Variants in SLIT2 observed in about 807,000 individuals in gnomAD.
SLIT2 encodes slit guidance ligand 2, also known as slit homolog 2 protein.
SLIT2 carries 41 observed loss-of-function variants against 185.7 expected under a neutral mutation model. That is an observed-to-expected ratio of 0.22 (90% CI 0.17 to 0.29). The LOEUF is 0.29. Ranked by LOEUF, SLIT2 falls within the 10% of genes least tolerant of loss-of-function variation. SLIT2 has a pLI of 1.00. For missense variants in SLIT2, 1,571 were observed against 1,909.0 expected, an observed-to-expected ratio of 0.82 and a Z score of 3.30; for synonymous variants, 693 against 680.2, an observed-to-expected ratio of 1.02 and a Z score of -0.29.
At chr4:20,452,581 A>C (rs1712589863) in intron 4 of SLIT2, among the ~76,000 whole-genome samples, 1 of 152,038 alleles carries the variant, frequency 6.6e-6, no homozygotes, top group Non-Finnish European at 1.5e-5. Context: ...TCTCTCACTT[A>C]GTCCCCCTTT....
intron 4 of SLIT2, among the ~76,000 whole-genome samples, chr4:20,415,197 G>A (rs969974257): frequency 6.6e-6 from 1 of 152,098 alleles, no homozygotes; most frequent in Non-Finnish European, 1.5e-5. Flanking sequence ...GGATCACGAG[G>A]TCAGGAGACA....
chr4:20,568,013 C>T lies in SLIT2; in HGVS notation c.2948+398C>T, dbSNP rs563233800. Among the ~76,000 whole-genome samples the T allele has an allele frequency of 2.0e-5, 3 of 152,060 alleles. No homozygotes were observed. The South Asian group carries it at 6.2e-4, about 32-fold the overall frequency. On this transcript the variant is annotated intron_variant, in intron 28 of 36. Transcript: ENST00000504154. ...CAGTGTGTAATGACAAGATATAGGT[C>T]CCACTGAAACAGAAAATTAACGATT... is the stretch of plus-strand genomic sequence containing the variant.
chr4:20,264,296 AG>A (rs1243470416), intron 3 of SLIT2, among the ~76,000 whole-genome samples: 1 of 151,880 alleles, frequency 6.6e-6, no homozygotes. Context: ...GAGGCTAAAT[AG>A]TTTTATGCTT....
intron 5 of SLIT2, among the ~76,000 whole-genome samples, chr4:20,472,296 A>ATATATATCTATATATATC (rs1715227158): frequency 5.1e-5 from 1 of 19,674 alleles, no homozygotes; most frequent in Non-Finnish European, 7.5e-5. Flanking sequence ...AGATATATAG[A>ATATATATCTATATATATC]TATATAGATC....
At chr4:20,419,628 A>G (rs1368759280) in intron 4 of SLIT2, among the ~76,000 whole-genome samples, 1 of 150,872 alleles carries the variant, frequency 6.6e-6, no homozygotes, top group African/African-American at 2.4e-5. Context: ...GGAAGATGGC[A>G]TATACCTGGC....
At chr4:20,438,014 T>C (rs1729475032) in intron 4 of SLIT2, among the ~76,000 whole-genome samples, 1 of 151,512 alleles carries the variant, frequency 6.6e-6, no homozygotes, top group Admixed American at 6.6e-5. Flanking sequence ...TCCTGAATAC[T>C]CTACATTCAC....
In SLIT2 at chr4:20,554,539, GC is replaced by G. The variant is rs1577916333; in HGVS notation, c.2725+575del. 6.6e-5 allele frequency among the ~76,000 whole-genome samples: 10 copies of G among 152,066 alleles called. No homozygotes were observed. In the South Asian group the frequency reaches 2.1e-3, roughly 32 times the overall value. On this transcript the variant is annotated intron_variant, in intron 26 of 36. Transcript: ENST00000504154. ...CCTTTTTATTACAAGAATAATACAT[GC>G]CCCTAAATAGAAAAATATGAATAAT...
At chr4:20,566,130 G>T (rs940225276) in intron 26 of SLIT2, among the ~76,000 whole-genome samples, 1 of 152,024 alleles carries the variant, frequency 6.6e-6, no homozygotes, top group Non-Finnish European at 1.5e-5. Flanking sequence ...ACCTTAGAAG[G>T]TTAGAGCAGT....
At chr4:20,272,739 T>C (rs1713757644) in intron 4 of SLIT2, among the ~76,000 whole-genome samples, 1 of 152,150 alleles carries the variant, frequency 6.6e-6, no homozygotes, top group East Asian at 1.9e-4. Flanking sequence ...TTTTTCACTT[T>C]TATCTGCCAA....
chr4:20,570,729 A>ATATG (rs1272747645), intron 29 of SLIT2, among the ~76,000 whole-genome samples: 1 of 44,976 alleles, frequency 2.2e-5, no homozygotes, highest in South Asian at 1.0e-3. Flanking sequence ...ATATATATAT[A>ATATG]TGTATATATA....
chr4:20,512,014 A>T (rs1719800475), intron 11 of SLIT2, among the ~76,000 whole-genome samples: 1 of 152,208 alleles, frequency 6.6e-6, no homozygotes, highest in South Asian at 2.1e-4. Context: ...TTTAAAAATA[A>T]ATGTATAGCA....
intron 36 of SLIT2, 46 bp downstream of exon 36, chr4:20,617,696 G>A: frequency 1.5e-6 from 2 of 1,318,278 alleles, no homozygotes; most frequent in Non-Finnish European, 2.1e-6. Flanking sequence ...CAAAGCAAGA[G>A]GGGTCCCATG....
At chr4:20,376,872 G>A (rs897509355) in intron 4 of SLIT2, among the ~76,000 whole-genome samples, 3 of 152,044 alleles carry the variant, frequency 2.0e-5, no homozygotes, top group East Asian at 1.9e-4. Flanking sequence ...AGGGCCTGTC[G>A]TGGAGCGGGG....
intron 21 of SLIT2, among the ~76,000 whole-genome samples, chr4:20,544,913 G>T (rs1264680170): frequency 6.6e-6 from 1 of 151,684 alleles, no homozygotes; most frequent in African/African-American, 2.4e-5. Context: ...GTAGAGGAAA[G>T]AAAAAAATGG....
intron 26 of SLIT2, among the ~76,000 whole-genome samples, chr4:20,566,150 G>C (rs1331780446): frequency 6.6e-6 from 1 of 151,972 alleles, no homozygotes; most frequent in East Asian, 1.9e-4. Context: ...TAACGGTGGG[G>C]GTGCAGAGCT....
rs77621022 is a variant in SLIT2 at position 20,357,151 on chromosome 4, A to G, written c.395+88270A>G. On this transcript the variant is annotated intron_variant, in intron 4 of 36. Transcript: ENST00000504154. ...TCTTTCAGCCTGGAAATTGTGTGCT[A>G]TTCCCATCAAGGTTACATCATGTTT... Among the ~76,000 whole-genome samples, 577 of 152,254 alleles carry G rather than the reference A, an allele frequency of 3.8e-3. 3 individuals carry two copies. Among genetic ancestry groups the G allele is most frequent in the African/African-American group, 0.013 (552 of 41,566 alleles).
intron 4 of SLIT2, among the ~76,000 whole-genome samples, chr4:20,275,961 A>T (rs1028589107): frequency 1.3e-5 from 2 of 152,170 alleles, no homozygotes; most frequent in African/African-American, 4.8e-5. Context: ...CAGAAGATTT[A>T]CATATGTTGC....
At position 20,254,609 on chromosome 4, in the gene SLIT2, C is replaced by G. The variant is rs951069260; in HGVS notation, c.179+615C>G. Reference sequence around the variant, plus strand: ...TAGTAGCCTCGCGCAGCCCCCCGCCCCCCACTTCTCCGGGGAGGGGAAGAC... The same window carrying G: ...TAGTAGCCTCGCGCAGCCCCCCGCCGCCCACTTCTCCGGGGAGGGGAAGAC... On this transcript the variant is annotated intron_variant, in intron 1 of 36. Transcript: ENST00000504154. The surrounding 1 kb of genome is among the most constrained non-coding windows in gnomAD (Gnocchi z 5.1). 6.6e-6 allele frequency among the ~76,000 whole-genome samples: 1 copy of G among 152,124 alleles called. No homozygotes were observed. Among genetic ancestry groups the G allele is most frequent in the Non-Finnish European group, 1.5e-5 (1 of 68,026 alleles).
At chr4:20,618,193 C>G (rs775978799) in intron 36 of SLIT2, among the ~76,000 whole-genome samples, 1 of 152,144 alleles carries the variant, frequency 6.6e-6, no homozygotes, top group Non-Finnish European at 1.5e-5. Flanking sequence ...CCTTTGTCTG[C>G]GTGATCAGAG....
Sources: allele counts gnomAD v4.1 joint callset (sites outside exome capture counted in the v4.1 genomes callset), GRCh38; gene constraint gnomAD v4.1.1; non-coding constraint Gnocchi (gnomAD v3.1); transcripts MANE v1.5; gene names NCBI Gene and HGNC (gene_info 2026-07-23, HGNC 2026-07-21).